Variants in TRHDE observed in about 807,000 individuals in gnomAD.
TRHDE encodes the protein thyrotropin-releasing hormone-degrading ectoenzyme.
TRHDE carries 72 observed loss-of-function variants against 125.7 expected under a neutral mutation model. The observed-to-expected ratio is 0.57, with a 90% CI of 0.47 to 0.70. The LOEUF (loss-of-function observed/expected upper bound fraction) is 0.70. TRHDE is among the 30% of genes least tolerant of loss of function. The pLI, the probability that TRHDE is intolerant of heterozygous loss-of-function variation, is 0.00. For synonymous variants in TRHDE, 509 were observed against 509.1 expected, an observed-to-expected ratio of 1.00 and a Z score of 0.00; for missense variants, 1,110 against 1,327.1, an observed-to-expected ratio of 0.84 and a Z score of 2.54.
chr12:72,601,588 A>G (rs1872209638), intron 12 of TRHDE, among the ~76,000 whole-genome samples: 1 of 152,166 alleles, frequency 6.6e-6, no homozygotes, highest in Non-Finnish European at 1.5e-5. Flanking sequence ...GAGTCAATCA[A>G]TGCAGCAAAC....
At chr12:72,487,240 T>C (rs539395113) in intron 5 of TRHDE, among the ~76,000 whole-genome samples, 1 of 152,254 alleles carries the variant, frequency 6.6e-6, no homozygotes, top group Admixed American at 6.5e-5. Flanking sequence ...AATGAAATAA[T>C]TGCTGAAAAT....
chr12:72,192,170 G>T (rs1877353756), intron 2 of TRHDE, among the ~76,000 whole-genome samples: 1 of 152,032 alleles, frequency 6.6e-6, no homozygotes, highest in Non-Finnish European at 1.5e-5. Context: ...TTAGTTCAGG[G>T]TCTGCGTGAA....
intron 15 of TRHDE, among the ~76,000 whole-genome samples, chr12:72,647,686 G>A (rs1470795788): frequency 3.3e-5 from 5 of 151,954 alleles, no homozygotes; most frequent in East Asian, 1.9e-4. Flanking sequence ...AAATGGACAC[G>A]CTTCTACAAA....
intron 3 of TRHDE, among the ~76,000 whole-genome samples, chr12:72,427,083 G>A (rs1043737769): frequency 2.0e-5 from 3 of 152,018 alleles, no homozygotes; most frequent in African/African-American, 7.2e-5. Flanking sequence ...TGTATTTGAG[G>A]CTTTGTGGAC....
At chr12:72,399,174 C>A (rs1419506439) in intron 3 of TRHDE, among the ~76,000 whole-genome samples, 2 of 152,192 alleles carry the variant, frequency 1.3e-5, no homozygotes, top group African/African-American at 4.8e-5. Flanking sequence ...ATCCCATACC[C>A]CCACCTCTGT....
chr12:72,620,710 C>G (rs545537750), intron 13 of TRHDE, among the ~76,000 whole-genome samples: 1 of 151,948 alleles, frequency 6.6e-6, no homozygotes, highest in African/African-American at 2.4e-5. Context: ...ATTAAATATG[C>G]CTTGTTGATA....
At position 72,373,546 on chromosome 12, in the gene TRHDE, G is replaced by T. The variant is rs189586048; in HGVS notation, c.1189-4449G>T. Among the ~76,000 whole-genome samples, 3 of 152,238 alleles carry T rather than the reference G, an allele frequency of 2.0e-5. No homozygotes were observed. In the East Asian group the frequency reaches 5.8e-4, roughly 29 times the overall value. On this transcript the variant is annotated intron_variant, in intron 2 of 18. Transcript: ENST00000261180. ...CAATGTGCATTCTGAAAAAATGGTA[G>T]CAAGAAGCAAAATGAATAAATAAAA...
intron 12 of TRHDE, among the ~76,000 whole-genome samples, chr12:72,605,752 AG>A (rs1872411984): frequency 6.6e-6 from 1 of 152,106 alleles, no homozygotes; most frequent in Non-Finnish European, 1.5e-5. Context: ...CTAAGATGAG[AG>A]AAGGTGAAAA....
chr12:72,450,844 A>C (rs1445219682), intron 3 of TRHDE, among the ~76,000 whole-genome samples: 2 of 152,060 alleles, frequency 1.3e-5, no homozygotes, highest in Non-Finnish European at 2.9e-5. Flanking sequence ...CCATTCTAAC[A>C]GGTGTGAGGT....
At chr12:72,457,179 T>C (rs1592459302) in intron 3 of TRHDE, among the ~76,000 whole-genome samples, 1 of 152,114 alleles carries the variant, frequency 6.6e-6, no homozygotes, top group Non-Finnish European at 1.5e-5. Flanking sequence ...GTTTGGAATA[T>C]AAAAAAGATA....
At chr12:72,280,720 AATAGCAGGAACCAG>A (rs952074739) in intron 1 of TRHDE, among the ~76,000 whole-genome samples, 1 of 152,184 alleles carries the variant, frequency 6.6e-6, no homozygotes, top group African/African-American at 2.4e-5. Flanking sequence ...TAGCAGTGAG[AATAGCAGGAACCAG>A]ATAGCAGGAA....
intron 3 of TRHDE, among the ~76,000 whole-genome samples, chr12:72,448,270 T>C (rs1875397883): frequency 6.6e-6 from 1 of 152,088 alleles, no homozygotes; most frequent in African/African-American, 2.4e-5. Flanking sequence ...TAAGACTGTT[T>C]TCTGGTTGAT....
At chr12:72,602,641 G>C (rs1872254550) in intron 12 of TRHDE, among the ~76,000 whole-genome samples, 1 of 152,106 alleles carries the variant, frequency 6.6e-6, no homozygotes, top group Non-Finnish European at 1.5e-5. Flanking sequence ...AATTGAGACA[G>C]CTGGAAAAAA....
At chr12:72,502,839 C>T (rs982246109) in intron 6 of TRHDE, among the ~76,000 whole-genome samples, 2 of 151,974 alleles carry the variant, frequency 1.3e-5, no homozygotes, top group African/African-American at 2.4e-5. Flanking sequence ...CTGGCATATC[C>T]GAAAAATAAT....
At chr12:72,251,480 T>C (rs899559024) in intron 2 of TRHDE, among the ~76,000 whole-genome samples, 1 of 150,808 alleles carries the variant, frequency 6.6e-6, no homozygotes, top group Admixed American at 6.6e-5. Context: ...AGTTATAAGG[T>C]GTATGAATAG....
chr12:72,409,951 A>G (rs997393665), intron 3 of TRHDE, among the ~76,000 whole-genome samples: 10 of 152,198 alleles, frequency 6.6e-5, no homozygotes, highest in African/African-American at 2.4e-4. Flanking sequence ...AAAATACTAT[A>G]AAACTATCAA....
At chr12:72,442,374 G>A (rs1002425814) in intron 3 of TRHDE, among the ~76,000 whole-genome samples, 5 of 151,824 alleles carry the variant, frequency 3.3e-5, no homozygotes, top group Admixed American at 6.6e-5. Context: ...GATTTACTCT[G>A]TCACTTCTTT....
At chr12:72,349,275 A>G (rs965595025) in intron 2 of TRHDE, among the ~76,000 whole-genome samples, 3 of 152,076 alleles carry the variant, frequency 2.0e-5, no homozygotes, top group African/African-American at 7.2e-5. Context: ...ATAGAAATAC[A>G]TGGTTTCATT....
intron 15 of TRHDE, among the ~76,000 whole-genome samples, chr12:72,623,777 T>C (rs897025389): frequency 1.3e-5 from 2 of 151,978 alleles, no homozygotes; most frequent in Non-Finnish European, 2.9e-5. Context: ...GGTGGGTAGA[T>C]GGGAATTGCA....
Sources: gnomAD v4.1 joint callset for allele counts (sites outside exome capture counted in the v4.1 genomes callset) on GRCh38, gnomAD v4.1.1 for gene constraint, MANE v1.5 for transcripts, NCBI Gene and HGNC (gene_info 2026-07-23, HGNC 2026-07-21) for gene names.